CNTNAP2: variants seen among roughly 807,000 people sequenced by gnomAD.
CNTNAP2 encodes the protein contactin-associated protein-like 2.
CNTNAP2 carries 98 observed loss-of-function variants against 155.2 expected under a neutral mutation model. The ratio of observed to expected loss-of-function variants is 0.63; its 90% CI spans 0.54 to 0.75. CNTNAP2 has a LOEUF of 0.75. Among genes scored for constraint, CNTNAP2 ranks in the 30% least tolerant of loss-of-function variants. The probability of loss-of-function intolerance (pLI) is 0.00; values close to 1 mark genes in which losing one functional copy is unlikely to be tolerated. For missense variants in CNTNAP2, 1,727 were observed against 1,688.1 expected (o/e 1.02, Z -0.40); for synonymous variants, 651 against 631.2 (o/e 1.03, Z -0.47).
chr7:148,240,175 C>T (rs540305075), intron 20 of CNTNAP2, among the ~76,000 whole-genome samples: 6 of 152,122 alleles, frequency 3.9e-5, no homozygotes, highest in South Asian at 2.1e-4. Flanking sequence ...TGAGTATCTA[C>T]AATATAAAAG....
intron 22 of CNTNAP2, among the ~76,000 whole-genome samples, chr7:148,393,639 T>C (rs140790744): frequency 6.1e-4 from 93 of 152,330 alleles, no homozygotes; most frequent in African/African-American, 1.4e-3. Flanking sequence ...GTTTTTAATT[T>C]TGATACTACT....
intron 1 of CNTNAP2, among the ~76,000 whole-genome samples, chr7:146,244,214 A>G (rs905006368): frequency 2.0e-5 from 3 of 152,202 alleles, no homozygotes; most frequent in South Asian, 4.1e-4. Flanking sequence ...AGCAAAGATT[A>G]TTTATTTACT....
At chr7:147,617,956 C>T (rs1801323564) in intron 12 of CNTNAP2, among the ~76,000 whole-genome samples, 1 of 152,088 alleles carries the variant, frequency 6.6e-6, no homozygotes, top group Non-Finnish European at 1.5e-5. Flanking sequence ...CTTATTAATG[C>T]TATAGCATTT....
At chr7:148,219,176 G>A (rs549289249) in intron 19 of CNTNAP2, among the ~76,000 whole-genome samples, 37 of 152,122 alleles carry the variant, frequency 2.4e-4, no homozygotes, top group East Asian at 7.8e-4. Flanking sequence ...TCTTGACCTC[G>A]TGATCCACCT....
chr7:148,219,748 C>T (rs1026912912), intron 19 of CNTNAP2, among the ~76,000 whole-genome samples: 26 of 152,114 alleles, frequency 1.7e-4, no homozygotes, highest in South Asian at 1.2e-3. Context: ...GGGGGAGGAT[C>T]GCTGGAGCCC....
chr7:147,593,248 C>G (rs1328049268), intron 12 of CNTNAP2, among the ~76,000 whole-genome samples: 1 of 146,834 alleles, frequency 6.8e-6, no homozygotes, highest in African/African-American at 2.5e-5. Flanking sequence ...ATCCCTTTGG[C>G]CAAATAGTAG....
At chr7:146,959,713 CAAAA>C (rs1176908836) in intron 3 of CNTNAP2, among the ~76,000 whole-genome samples, 15 of 90,400 alleles carry the variant, frequency 1.7e-4, no homozygotes, top group African/African-American at 3.2e-4. Context: ...CAGCGAGTCT[CAAAA>C]AAAAAAAAAA....
chr7:146,804,495 CT>C (rs1224646884), intron 2 of CNTNAP2, among the ~76,000 whole-genome samples: 5 of 152,062 alleles, frequency 3.3e-5, no homozygotes, highest in Admixed American at 3.3e-4. Flanking sequence ...AATACATTTT[CT>C]TTTTGAATGG....
intron 2 of CNTNAP2, among the ~76,000 whole-genome samples, chr7:146,817,226 C>G (rs1345559504): frequency 1.3e-5 from 2 of 152,022 alleles, no homozygotes; most frequent in Admixed American, 6.6e-5. Flanking sequence ...AATCCCAGCA[C>G]TTTGGGAGAC....
intron 13 of CNTNAP2, among the ~76,000 whole-genome samples, chr7:147,784,975 G>T (rs1313767052): frequency 6.6e-6 from 1 of 152,082 alleles, no homozygotes; most frequent in African/African-American, 2.4e-5. Flanking sequence ...TGCCAAGAGA[G>T]AAAACACTGG....
chr7:146,669,745 A>G (rs1218893930), intron 1 of CNTNAP2, among the ~76,000 whole-genome samples: 3 of 152,194 alleles, frequency 2.0e-5, no homozygotes, highest in Admixed American at 6.5e-5. Flanking sequence ...GGAACTGGAT[A>G]TTTAAAAGAG....
At chr7:146,870,349 G>A (rs1795281117) in intron 3 of CNTNAP2, among the ~76,000 whole-genome samples, 2 of 151,924 alleles carry the variant, frequency 1.3e-5, no homozygotes, top group Admixed American at 1.3e-4. Context: ...TCTCTTCTAG[G>A]TTTTCTAGTT....
Position 147,269,536 on chromosome 7 carries a change from C to T in CNTNAP2, c.1349-30605C>T, listed in dbSNP as rs1457506665. 2.6e-5 allele frequency among the ~76,000 whole-genome samples: 4 copies of T among 152,292 alleles called. No homozygotes were observed. The East Asian group carries it at 7.7e-4, about 29-fold the overall frequency. ...ATAGTGCTATGAGAGACACAATATG[C>T]CGAGCACATATGACAAGGAAACAAA... is the stretch of plus-strand genomic sequence containing the variant. On this transcript the variant is annotated intron_variant, in intron 8 of 23. Coordinates refer to ENST00000361727, the MANE Select transcript of CNTNAP2 (RefSeq NM_014141.6).
chr7:148,332,236 A>C (rs1798040128), intron 21 of CNTNAP2, among the ~76,000 whole-genome samples: 1 of 151,842 alleles, frequency 6.6e-6, no homozygotes, highest in African/African-American at 2.4e-5. Context: ...AATTATTTTT[A>C]AACTGTGAAA....
At chr7:146,676,500 G>T (rs1800400512) in intron 1 of CNTNAP2, among the ~76,000 whole-genome samples, 1 of 151,692 alleles carries the variant, frequency 6.6e-6, no homozygotes, top group Non-Finnish European at 1.5e-5. Context: ...TATATGTGCG[G>T]GTTTGTAAAC....
intron 22 of CNTNAP2, among the ~76,000 whole-genome samples, chr7:148,384,517 G>T (rs1292683070): frequency 1.3e-5 from 2 of 152,196 alleles, no homozygotes; most frequent in African/African-American, 4.8e-5. Context: ...CTATTAAGCT[G>T]TATCTCAGGA....
In CNTNAP2 at chr7:146,415,954, T is replaced by C. The variant is rs530529244; in HGVS notation, c.97+298981T>C. On this transcript the variant is annotated intron_variant, in intron 1 of 23. Transcript: ENST00000361727. ...TAATTCCAAGGCTCTCTTTATCCAA[T>C]TGTATTTTAAAGAGTACACATTTTG... 4.6e-4 allele frequency among the ~76,000 whole-genome samples: 70 copies of C among 152,162 alleles called. 3 individuals carry two copies. In the East Asian group the frequency reaches 9.5e-3, roughly 21 times the overall value.
intron 8 of CNTNAP2, among the ~76,000 whole-genome samples, chr7:147,214,121 A>T (rs1489043125): frequency 6.6e-6 from 1 of 152,152 alleles, no homozygotes; most frequent in Non-Finnish European, 1.5e-5. Context: ...TCAAGTCAAC[A>T]CCTAAAATTA....
chr7:147,620,076 A>G (rs1395579875), intron 12 of CNTNAP2, among the ~76,000 whole-genome samples: 1 of 152,248 alleles, frequency 6.6e-6, no homozygotes, highest in Non-Finnish European at 1.5e-5. Context: ...GTCCAAGGCC[A>G]TCAAGGTAGT....
Sources: gnomAD v4.1 joint callset for allele counts (sites outside exome capture counted in the v4.1 genomes callset) on GRCh38, gnomAD v4.1.1 for gene constraint, MANE v1.5 for transcripts, NCBI Gene and HGNC (gene_info 2026-07-23, HGNC 2026-07-21) for gene names.